TTLL6: variants seen among roughly 807,000 people sequenced by gnomAD.
The protein encoded by TTLL6 is tubulin polyglutamylase TTLL6.
A neutral mutation model predicts 96.4 loss-of-function variants in TTLL6; 75 were observed. The observed-to-expected ratio is 0.78, with a 90% CI of 0.65 to 0.94. The LOEUF is 0.94. TTLL6 is among the 40% of genes least tolerant of loss of function. The pLI is 0.00. For missense variants in TTLL6, 1,030 were observed against 1,093.0 expected, an observed-to-expected ratio of 0.94 and a Z score of 0.81; for synonymous variants, 411 against 419.4, an observed-to-expected ratio of 0.98 and a Z score of 0.24.
At chr17:48,781,122 A>T (rs1287250063) in intron 13 of TTLL6, among the ~76,000 whole-genome samples, 3 of 151,720 alleles carry the variant, frequency 2.0e-5, no homozygotes. Context: ...ATCTTGGCTC[A>T]CTGTAAACCT....
At chr17:48,812,179 T>C (rs1340735526) in intron 1 of TTLL6, 1 of 149,876 alleles carries the variant, frequency 6.7e-6, no homozygotes, top group Non-Finnish European at 1.5e-5. Context: ...TTCCCACCTA[T>C]TGTCTTGCGT....
At chr17:48,768,865 T>G in intron 15 of TTLL6, 124 bp downstream of exon 15, 1 of 1,076,768 alleles carries the variant, frequency 9.3e-7, no homozygotes, top group Non-Finnish European at 1.4e-6. Flanking sequence ...TACTAAGTCT[T>G]CATTGTCTAC....
intron 13 of TTLL6, among the ~76,000 whole-genome samples, chr17:48,781,654 G>T (rs890417023): frequency 1.3e-5 from 2 of 152,028 alleles, no homozygotes; most frequent in Non-Finnish European, 2.9e-5. Context: ...CATTTTTGTT[G>T]CTGTTGAGAT....
intron 5 of TTLL6, 80 bp from the exon 6 acceptor site, chr17:48,799,840 G>T: frequency 7.5e-7 from 1 of 1,330,816 alleles, no homozygotes; most frequent in South Asian, 1.4e-5. Flanking sequence ...ATGAAGAAAA[G>T]AAAGAAAAGC....
chr17:48,783,404 C>T (rs956475980), intron 13 of TTLL6, among the ~76,000 whole-genome samples: 1 of 149,890 alleles, frequency 6.7e-6, no homozygotes, highest in Non-Finnish European at 1.5e-5. Context: ...TCAACTGTCA[C>T]CTTAAGTGAA....
At chr17:48,779,471 C>A (rs1476645153) in intron 13 of TTLL6, among the ~76,000 whole-genome samples, 1 of 151,638 alleles carries the variant, frequency 6.6e-6, no homozygotes, top group African/African-American at 2.4e-5. Flanking sequence ...ATAATACAGT[C>A]ACTTTGGATA....
At chr17:48,800,696 C>A (rs2039394089) in intron 5 of TTLL6, among the ~76,000 whole-genome samples, 2 of 152,090 alleles carry the variant, frequency 1.3e-5, no homozygotes, top group Admixed American at 6.5e-5. Flanking sequence ...TCTCAGCCAC[C>A]AGATTGCACC....
chr17:48,814,274 G>A (rs1437776770), intron 1 of TTLL6, among the ~76,000 whole-genome samples: 1 of 126,430 alleles, frequency 7.9e-6, no homozygotes, highest in African/African-American at 3.1e-5. Context: ...AGCCCAGATC[G>A]CACCACTGCC....
At chr17:48,804,062 G>T in intron 2 of TTLL6, 134 bp from the exon 3 acceptor site, 1 of 1,010,798 alleles carries the variant, frequency 9.9e-7, no homozygotes, top group Non-Finnish European at 1.5e-6. Context: ...TGGTTTGACC[G>T]TCCCTGTTGC....
At chr17:48,766,761 G>T (rs894224185) in intron 15 of TTLL6, among the ~76,000 whole-genome samples, 1 of 152,192 alleles carries the variant, frequency 6.6e-6, no homozygotes, top group African/African-American at 2.4e-5. Flanking sequence ...CTACTCAAGA[G>T]GCTGAGGCAC....
At chr17:48,797,512 C>G (rs2039337696) in intron 6 of TTLL6, among the ~76,000 whole-genome samples, 1 of 152,130 alleles carries the variant, frequency 6.6e-6, no homozygotes, top group Non-Finnish European at 1.5e-5. Flanking sequence ...TGAAGCCAGG[C>G]GTGGTGGCTC....
At chr17:48,797,735 C>A (rs1396651373) in intron 6 of TTLL6, among the ~76,000 whole-genome samples, 3 of 142,104 alleles carry the variant, frequency 2.1e-5, no homozygotes, top group African/African-American at 7.9e-5. Context: ...TTGCAGCAAG[C>A]CAAGTTCACG....
chr17:48,763,190 C>A (rs1218124515), intron 15 of TTLL6, among the ~76,000 whole-genome samples: 1 of 152,090 alleles, frequency 6.6e-6, no homozygotes, highest in East Asian at 1.9e-4. Flanking sequence ...TAAGAGCAGC[C>A]AAGATGGCTG....
intron 13 of TTLL6, among the ~76,000 whole-genome samples, chr17:48,783,635 T>G (rs1489749581): frequency 6.6e-6 from 1 of 152,084 alleles, no homozygotes; most frequent in Non-Finnish European, 1.5e-5. Context: ...TTCACCATGT[T>G]GGCCAAGCTG....
chr17:48,763,547 A>G (rs1457545564), intron 15 of TTLL6, among the ~76,000 whole-genome samples: 2 of 152,184 alleles, frequency 1.3e-5, no homozygotes, highest in Admixed American at 1.3e-4. Flanking sequence ...CTGTAATCCC[A>G]GCTCTTTGGG....
chr17:48,788,872 G>A (rs966464275), intron 10 of TTLL6, among the ~76,000 whole-genome samples: 4 of 152,192 alleles, frequency 2.6e-5, no homozygotes, highest in Admixed American at 2.0e-4. Context: ...TATGGCATCA[G>A]TTCCAGAAAC....
At chr17:48,791,729 G>A in intron 8 of TTLL6, 126 bp from the exon 9 acceptor site, 1 of 756,078 alleles carries the variant, frequency 1.3e-6, no homozygotes, top group Admixed American at 2.8e-5. Flanking sequence ...TGAACGCCCA[G>A]GAACCAGGGT....
At chr17:48,767,082 T>G (rs2143162832) in intron 15 of TTLL6, among the ~76,000 whole-genome samples, 1 of 152,194 alleles carries the variant, frequency 6.6e-6, no homozygotes. Flanking sequence ...TTTTTGTATT[T>G]TTAGTAGAGA....
intron 13 of TTLL6, among the ~76,000 whole-genome samples, chr17:48,777,976 A>G (rs904351121): frequency 6.6e-6 from 1 of 151,972 alleles, no homozygotes; most frequent in Non-Finnish European, 1.5e-5. Flanking sequence ...TAGATAGGAT[A>G]TAGAAAGCAA....
Sources: gnomAD v4.1 joint callset for allele counts (sites outside exome capture counted in the v4.1 genomes callset) on GRCh38, gnomAD v4.1.1 for gene constraint, MANE v1.5 for transcripts, NCBI Gene and HGNC (gene_info 2026-07-23, HGNC 2026-07-21) for gene names.